INVS: variants seen among roughly 807,000 people sequenced by gnomAD.
The protein encoded by INVS is inversion of embryo turning homolog.
In INVS, 86 loss-of-function variants were observed where a neutral mutation model predicts 108.8. That is an observed-to-expected ratio of 0.79 (90% CI 0.66 to 0.95). The LOEUF (loss-of-function observed/expected upper bound fraction) is 0.95. INVS is among the 40% of genes least tolerant of loss of function. INVS has a pLI of 0.00. For missense variants in INVS, 1,169 were observed against 1,297.4 expected (o/e 0.90, Z 1.52); for synonymous variants, 455 against 473.5 (o/e 0.96, Z 0.51).
intron 3 of INVS, 111 bp downstream of exon 3, chr9:100,126,660 T>C: frequency 2.0e-6 from 2 of 1,004,826 alleles, no homozygotes; most frequent in Non-Finnish European, 3.1e-6. Flanking sequence ...GCATGACTCA[T>C]AGGTTTTATA....
chr9:100,104,580 C>T lies in INVS; in HGVS notation c.59C>T (p.Ala20Val). ...AGSSLASQVH[A>V]AAVNGDKGAL... is the part of the protein sequence containing the mutation. The stretch of plus-strand genomic sequence containing the variant: ...TCATCATTAGCATCACAAGTCCATG[C>T]TGCTGCCGTTAATGGAGATAAGGGT... Residue 20 changes from alanine to valine, a missense_variant, in exon 2 of 17, where the codon GCT becomes GTT. Transcript: ENST00000262457. 6.2e-7 allele frequency: 1 copy of T among 1,614,098 alleles called. No individual in the cohort carries two copies. Among genetic ancestry groups the T allele is most frequent in the African/African-American group, 1.3e-5 (1 of 75,044 alleles).
At chr9:100,200,653 T>G (rs148361399) in intron 3 of INVS, among the ~76,000 whole-genome samples, 1 of 152,204 alleles carries the variant, frequency 6.6e-6, no homozygotes, top group Non-Finnish European at 1.5e-5. Flanking sequence ...TCTACCCCTA[T>G]GCCTTGGGTA....
Position 100,148,611 on chromosome 9 carries a change from G to A in INVS, c.273+22062G>A, listed in dbSNP as rs118141608. On this transcript the variant is annotated intron_variant, in intron 3 of 16. Transcript: ENST00000262457. ...CAACATTTAAACAGCTGAAGCATAA[G>A]TAAAATATTAGCACAGGAGAAGAGG... 6.0e-3 allele frequency among the ~76,000 whole-genome samples: 915 copies of A among 152,274 alleles called. 8 individuals are homozygous for A. The East Asian group carries it at 0.074, about 12-fold the overall frequency.
intron 13 of INVS, among the ~76,000 whole-genome samples, chr9:100,288,400 T>A (rs1235991290): frequency 6.6e-6 from 1 of 152,182 alleles, no homozygotes; most frequent in Non-Finnish European, 1.5e-5. Context: ...AATGCGATTA[T>A]CTCAAAAACT....
chr9:100,282,957 C>A (rs1411309497), intron 12 of INVS, among the ~76,000 whole-genome samples: 2 of 152,176 alleles, frequency 1.3e-5, no homozygotes, highest in African/African-American at 2.4e-5. Flanking sequence ...AAGTCGGAAT[C>A]CATAATTACC....
intron 3 of INVS, among the ~76,000 whole-genome samples, chr9:100,142,150 G>A (rs770902981): frequency 2.0e-5 from 3 of 152,148 alleles, no homozygotes; most frequent in Admixed American, 6.5e-5. Context: ...GAAGTTAAGC[G>A]GCGTTGAGAA....
intron 4 of INVS, 98 bp from the exon 5 acceptor site, chr9:100,229,562 A>G: frequency 9.9e-7 from 1 of 1,014,294 alleles, no homozygotes; most frequent in Non-Finnish European, 1.5e-6. Context: ...CAGGGCAACT[A>G]CTGTATAAAA....
chr9:100,163,168 T>G (rs1004805268), intron 3 of INVS, among the ~76,000 whole-genome samples: 1 of 149,400 alleles, frequency 6.7e-6, no homozygotes, highest in Non-Finnish European at 1.5e-5. Context: ...ACTTTTACCC[T>G]AACTTGATGT....
chr9:100,126,546 GA>G lies in INVS; in HGVS notation c.272del (p.Lys91ArgfsTer7). ...GAACAGCCCTCCATCTTGCAGCCCAGAAGGTGAGAAGTAAAATTTCCTTGAA... is the reference window on the plus strand; with the variant it reads ...GAACAGCCCTCCATCTTGCAGCCCAGAGGTGAGAAGTAAAATTTCCTTGAA... The part of the protein sequence containing the change: ...QRTALHLAAQ[K>X]GNYRFMKLLL... On this transcript the variant is annotated frameshift_variant and splice_region_variant, in exon 3 of 17. Transcript: ENST00000262457. LOFTEE classifies it high-confidence loss of function. 6.2e-7 allele frequency: 1 copy of G among 1,614,140 alleles called. No individual in the cohort carries two copies. Among genetic ancestry groups the G allele is most frequent in the Non-Finnish European group, 8.5e-7 (1 of 1,179,994 alleles).
chr9:100,243,008 A>G (rs1213336885), intron 7 of INVS, among the ~76,000 whole-genome samples: 1 of 152,196 alleles, frequency 6.6e-6, no homozygotes, highest in Non-Finnish European at 1.5e-5. Context: ...ACAATGGTTC[A>G]TGCTGTTCAC....
At chr9:100,235,641 A>G (rs1244638660) in intron 5 of INVS, among the ~76,000 whole-genome samples, 1 of 152,108 alleles carries the variant, frequency 6.6e-6, no homozygotes, top group African/African-American at 2.4e-5. Context: ...GTTTGGCTGG[A>G]TATGAAATTC....
chr9:100,273,357 G>A (rs2118671199), intron 12 of INVS, among the ~76,000 whole-genome samples: 1 of 152,092 alleles, frequency 6.6e-6, no homozygotes, highest in South Asian at 2.1e-4. Flanking sequence ...GGAGGGAGTT[G>A]GGGATGGGAT....
chr9:100,169,294 T>G (rs1038975383), intron 3 of INVS, among the ~76,000 whole-genome samples: 1 of 152,212 alleles, frequency 6.6e-6, no homozygotes, highest in African/African-American at 2.4e-5. Flanking sequence ...TGGTATCATG[T>G]CCAACTCAGT....
At chr9:100,150,188 G>T (rs558268769) in intron 3 of INVS, among the ~76,000 whole-genome samples, 1 of 152,242 alleles carries the variant, frequency 6.6e-6, no homozygotes, top group East Asian at 1.9e-4. Flanking sequence ...CTCAAACATA[G>T]TAGAGCAGCC....
intron 11 of INVS, 137 bp from the exon 12 acceptor site, chr9:100,272,727 G>C (rs1832993581): frequency 3.8e-6 from 3 of 791,460 alleles, no homozygotes; most frequent in Non-Finnish European, 6.3e-6. Flanking sequence ...CTGTTATAGA[G>C]AAGGTGGCTT....
chr9:100,289,254 A>G (rs1490459699), intron 13 of INVS, among the ~76,000 whole-genome samples: 1 of 152,228 alleles, frequency 6.6e-6, no homozygotes, highest in Admixed American at 6.5e-5. Flanking sequence ...CCACTGAATA[A>G]CAAGGTTCAC....
rs1242257000 is a variant in INVS at position 100,272,972 on chromosome 9, C to CA, written c.1684dup (p.Ile562AsnfsTer25). The stretch of plus-strand genomic sequence containing the variant: ...CAGCCATACAAGACATCGCCGCCTT[C>CA]AAAATCCAAGCTGTCTACAAAGGGT... On this transcript the variant is annotated frameshift_variant, in exon 12 of 17. Coordinates refer to ENST00000262457, the MANE Select transcript of INVS (RefSeq NM_014425.5). LOFTEE classifies it high-confidence loss of function. 2.5e-6 allele frequency: 4 copies of CA among 1,614,072 alleles called. No individual in the cohort carries two copies. Among genetic ancestry groups the CA allele is most frequent in the Non-Finnish European group, 3.4e-6 (4 of 1,180,022 alleles).
At chr9:100,221,726 T>C (rs992642156) in intron 3 of INVS, among the ~76,000 whole-genome samples, 2 of 152,128 alleles carry the variant, frequency 1.3e-5, no homozygotes, top group African/African-American at 4.8e-5. Flanking sequence ...TAATTCCCCA[T>C]TATCCACGGT....
intron 10 of INVS, among the ~76,000 whole-genome samples, chr9:100,256,872 G>T (rs1004423273): frequency 3.9e-5 from 6 of 152,184 alleles, no homozygotes; most frequent in African/African-American, 1.4e-4. Context: ...GTACTGAGAA[G>T]AATGTATATT....
Sources: gnomAD v4.1 joint callset for allele counts (sites outside exome capture counted in the v4.1 genomes callset) on GRCh38, gnomAD v4.1.1 for gene constraint, MANE v1.5 for transcripts, NCBI Gene and HGNC (gene_info 2026-07-23, HGNC 2026-07-21) for gene names.